TRPM6: variants seen among roughly 807,000 people sequenced by gnomAD.
TRPM6 encodes the protein transient receptor potential cation channel subfamily M member 6, also known as channel kinase 2.
TRPM6 carries 111 observed loss-of-function variants against 247.6 expected under a neutral mutation model. The ratio of observed to expected loss-of-function variants is 0.45; its 90% confidence interval spans 0.38 to 0.52. TRPM6 has a LOEUF of 0.52. Ranked by LOEUF, TRPM6 falls within the 20% of genes least tolerant of loss-of-function variation. The pLI, the probability that TRPM6 is intolerant of heterozygous loss-of-function variation, is 0.00. For synonymous variants in TRPM6, 892 were observed against 853.8 expected, an observed-to-expected ratio of 1.04 and a Z score of -0.78; for missense variants, 2,126 against 2,421.5, an observed-to-expected ratio of 0.88 and a Z score of 2.56.
chr9:74,773,655 T>C (rs1827123390), intron 24 of TRPM6, among the ~76,000 whole-genome samples: 1 of 152,224 alleles, frequency 6.6e-6, no homozygotes, highest in Non-Finnish European at 1.5e-5. Context: ...TGGAAAGTTC[T>C]CTTTCTTGAA....
Position 74,803,772 on chromosome 9 carries a change from T to G in TRPM6, c.1731+22A>C, listed in dbSNP as rs768496517. The G allele has an allele frequency of 2.6e-6, 4 of 1,556,064 alleles. No individual in the cohort carries two copies. The African/African-American group carries it at 5.4e-5, about 21-fold the overall frequency. ...CTGCAAAAAACATTTTCCTTTCAAGTTGAAAAACAAGTAAATGGTACCTTG... is the reference window on the plus strand; with the variant it reads ...CTGCAAAAAACATTTTCCTTTCAAGGTGAAAAACAAGTAAATGGTACCTTG... On this transcript the variant is annotated intron_variant, in intron 15 of 38. Coordinates refer to ENST00000360774, the MANE Select transcript of TRPM6 (RefSeq NM_017662.5).
chr9:74,878,555 T>C (rs750787376), intron 1 of TRPM6, among the ~76,000 whole-genome samples: 10 of 152,202 alleles, frequency 6.6e-5, no homozygotes, highest in Non-Finnish European at 8.8e-5. Context: ...GAGACTATAC[T>C]ACTGCACACA....
chr9:74,800,270 T>C lies in TRPM6; in HGVS notation c.2222A>G (p.Lys741Arg), dbSNP rs368165814. 6.2e-6 allele frequency: 10 copies of C among 1,614,064 alleles called. No individual in the cohort carries two copies. Among genetic ancestry groups the C allele is most frequent in the African/African-American group, 1.3e-5 (1 of 74,932 alleles). ...TAAATTTACCTTTAACCAAGAGTTT[T>C]TCCTCATTTTCAGCCTCCCCATCCA... Reference protein sequence around the residue: ...DMWMGRLKMRKNSWLKIIISI... With the variant: ...DMWMGRLKMRRNSWLKIIISI... Residue 741 changes from lysine to arginine, a missense_variant, in exon 17 of 39, where the codon AAA (lysine) becomes AGA (arginine). This residue lies in a region of TRPM6 where 1,082 missense variants were observed against 1,307.9 expected (regional missense o/e 0.83). Transcript: ENST00000360774.
At position 74,724,648 on chromosome 9, in the gene TRPM6, C is replaced by A; in HGVS notation, c.6034G>T (p.Gly2012Cys). The A allele has an allele frequency of 6.2e-7, 1 of 1,614,140 alleles. No individual in the cohort carries two copies. Among genetic ancestry groups the A allele is most frequent in the South Asian group, 1.1e-5 (1 of 91,078 alleles). The change falls in exon 39 of 39, where the codon GGT becomes TGT. Residue 2012 changes from glycine to cysteine, a missense_variant. By Grantham distance (159) the Gly-to-Cys change is radical. Around this residue, in one of 3 missense-constraint regions of TRPM6, gnomAD observed 327 missense variants for 397.7 expected, o/e 0.82. Transcript: ENST00000360774. ...ATATCATCTTCTGGGGAATTTCTAC[C>A]CGTCTCCCTTGCTGGAGGCTCCTCA... ...SAEEPPARET[G>C]RNSPEDDMQL
chr9:74,766,480 A>C (rs953346354), intron 25 of TRPM6, among the ~76,000 whole-genome samples: 1 of 152,244 alleles, frequency 6.6e-6, no homozygotes, highest in African/African-American at 2.4e-5. Context: ...GTATAATTAC[A>C]ATCATCATGA....
intron 38 of TRPM6, among the ~76,000 whole-genome samples, chr9:74,727,699 G>T (rs371678242): frequency 6.6e-6 from 1 of 152,046 alleles, no homozygotes; most frequent in South Asian, 2.1e-4. Flanking sequence ...TTTATAGTAG[G>T]AATTTTTAAG....
At position 74,722,690 on chromosome 9, in the gene TRPM6, A is replaced by G. The variant is rs973250278; in HGVS notation, c.*1923T>C. ...ATAGGATAAAGTTGTTAAGTCCCCA[A>G]AAAAGTATTAACATTTTATCCTCAT... On this transcript the variant is annotated 3_prime_UTR_variant, in exon 39 of 39. Transcript: ENST00000360774. The G allele has an allele frequency of 2.6e-5, 4 of 152,216 alleles. No individual in the cohort carries two copies. The highest frequency in any genetic ancestry group is 9.7e-5 in the African/African-American group (4 of 41,448). The allele number at this position is 152,216 out of a possible 1,614,324, so 9.4% of individuals were successfully genotyped here. A position where few individuals can be genotyped will look rare whatever the true frequency, so the allele number is the denominator to read the frequency against.
chr9:74,813,016 G>A (rs903035522), intron 11 of TRPM6, among the ~76,000 whole-genome samples: 2 of 152,308 alleles, frequency 1.3e-5, no homozygotes, highest in East Asian at 1.9e-4. Flanking sequence ...TAAAGATCTC[G>A]AAGCTTCCCA....
At chr9:74,775,077 T>C (rs1446111462) in intron 24 of TRPM6, among the ~76,000 whole-genome samples, 1 of 152,214 alleles carries the variant, frequency 6.6e-6, no homozygotes, top group East Asian at 1.9e-4. Flanking sequence ...CCAAACGCAA[T>C]GTTCTCTGAC....
intron 1 of TRPM6, among the ~76,000 whole-genome samples, chr9:74,880,580 T>C (rs1362948149): frequency 6.6e-6 from 1 of 152,156 alleles, no homozygotes; most frequent in Non-Finnish European, 1.5e-5. Context: ...AGGATACTAT[T>C]CCTAGCAATG....
intron 30 of TRPM6, among the ~76,000 whole-genome samples, chr9:74,749,662 T>A (rs1303010963): frequency 1.3e-5 from 2 of 152,248 alleles, no homozygotes; most frequent in Non-Finnish European, 2.9e-5. Flanking sequence ...CGAGTCTGAA[T>A]AAATACATTC....
chr9:74,744,528 G>T (rs1825971400), intron 31 of TRPM6, among the ~76,000 whole-genome samples: 1 of 152,102 alleles, frequency 6.6e-6, no homozygotes, highest in African/African-American at 2.4e-5. Context: ...TAGAAAGACA[G>T]TATTAATACC....
chr9:74,881,330 A>G (rs1831357212), intron 1 of TRPM6, among the ~76,000 whole-genome samples: 1 of 152,056 alleles, frequency 6.6e-6, no homozygotes, highest in Non-Finnish European at 1.5e-5. Context: ...AAGTTAAAAG[A>G]GACAAAAAAT....
intron 25 of TRPM6, among the ~76,000 whole-genome samples, chr9:74,770,697 T>G (rs958908574): frequency 2.6e-5 from 4 of 152,166 alleles, no homozygotes; most frequent in African/African-American, 4.8e-5. Context: ...CCCGTTCCCC[T>G]GCTTCGGGCA....
At chr9:74,774,310 G>A (rs528359300) in intron 24 of TRPM6, among the ~76,000 whole-genome samples, 1 of 152,240 alleles carries the variant, frequency 6.6e-6, no homozygotes, top group South Asian at 2.1e-4. Context: ...GATTTATCAA[G>A]TGATTCACAT....
chr9:74,762,080 G>A lies in TRPM6; in HGVS notation c.4591C>T (p.Arg1531Cys), dbSNP rs141526694. 2.8e-4 allele frequency: 457 copies of A among 1,614,062 alleles called. 1 individual carries two copies. Among genetic ancestry groups the A allele is most frequent in the East Asian group, 6.9e-4 (31 of 44,904 alleles). ...CTCCTAGCGAAGGGCCTGTATCTGC[G>A]GAGAGGATTGATCCAAAAGGATGTG... ...PNTSFWINPL[R>C]RYRPFARSHS... The change falls in exon 26 of 39, where the codon CGC (arginine) becomes TGC (cysteine). Residue 1531 changes from arginine to cysteine, a missense_variant. Arg to Cys is a radical substitution (Grantham distance 180, BLOSUM62 -3). Around this residue, in one of 3 missense-constraint regions of TRPM6, gnomAD observed 717 missense variants for 715.9 expected, o/e 1.00. Transcript: ENST00000360774.
rs753494734 is a variant in TRPM6, at chr9:74,771,687, G to C, written c.3536+16C>G. Reference sequence around the variant, plus strand: ...GTGTTAGTGGTTTCAGAATGGAAAAGATTTATATCTTTTACCTTTCTGATG... The same window carrying C: ...GTGTTAGTGGTTTCAGAATGGAAAACATTTATATCTTTTACCTTTCTGATG... On this transcript the variant is annotated intron_variant, in intron 25 of 38. Transcript: ENST00000360774. The C allele has an allele frequency of 1.2e-6, 2 of 1,612,532 alleles. No individual in the cohort carries two copies. Among genetic ancestry groups the C allele is most frequent in the South Asian group, 2.2e-5 (2 of 91,010 alleles).
chr9:74,735,194 G>A (rs961894695), intron 36 of TRPM6, among the ~76,000 whole-genome samples: 1 of 151,746 alleles, frequency 6.6e-6, no homozygotes, highest in Non-Finnish European at 1.5e-5. Flanking sequence ...ATTCCAGCCA[G>A]CCTTGGCTAC....
chr9:74,757,772 G>A (rs1408423507), intron 27 of TRPM6, among the ~76,000 whole-genome samples: 1 of 151,976 alleles, frequency 6.6e-6, no homozygotes, highest in East Asian at 1.9e-4. Flanking sequence ...AATTAGCCAG[G>A]CATGGTGGTG....
Sources: allele counts gnomAD v4.1 joint callset (sites outside exome capture counted in the v4.1 genomes callset), GRCh38; gene constraint gnomAD v4.1.1; regional missense constraint gnomAD v4.1.1; transcripts MANE v1.5; gene names NCBI Gene and HGNC (gene_info 2026-07-23, HGNC 2026-07-21).